The following CDH18 variants were observed in gnomAD, a reference collection of about 807,000 sequenced individuals.
CDH18 encodes cadherin-18.
CDH18 carries 31 observed loss-of-function variants against 67.9 expected under a neutral mutation model. That is an observed-to-expected ratio of 0.46 (90% CI 0.34 to 0.62). The LOEUF (loss-of-function observed/expected upper bound fraction) is 0.62, where lower values mean the gene tolerates loss of function less well. CDH18 is among the 20% of genes least tolerant of loss of function. The probability of loss-of-function intolerance (pLI) is 0.01; values close to 1 mark genes in which losing one functional copy is unlikely to be tolerated. For missense variants in CDH18, 890 were observed against 975.5 expected (o/e 0.91, Z 1.17); for synonymous variants, 362 against 347.2 (o/e 1.04, Z -0.48).
At chr5:19,493,540 GT>G (rs1741817443) in intron 11 of CDH18, among the ~76,000 whole-genome samples, 2 of 71,528 alleles carry the variant, frequency 2.8e-5, no homozygotes, top group African/African-American at 1.1e-4. Context: ...GAATTGGGGT[GT>G]GTGTGTGTGT....
intron 2 of CDH18, among the ~76,000 whole-genome samples, chr5:19,880,934 TA>T (rs1004094919): frequency 3.3e-5 from 5 of 152,214 alleles, no homozygotes; most frequent in Admixed American, 2.0e-4. Flanking sequence ...CTGTTGGCTG[TA>T]ATTGTTGACA....
intron 2 of CDH18, among the ~76,000 whole-genome samples, chr5:20,081,246 T>C (rs1361479532): frequency 1.3e-5 from 2 of 152,172 alleles, no homozygotes; most frequent in Non-Finnish European, 2.9e-5. Context: ...AGTTTTATAT[T>C]TGGAAATGTT....
chr5:19,768,802 T>C (rs1312368786), intron 3 of CDH18, among the ~76,000 whole-genome samples: 1 of 152,056 alleles, frequency 6.6e-6, no homozygotes, highest in Admixed American at 6.6e-5. Flanking sequence ...ATTTGCCACA[T>C]TATAATATTT....
At position 20,131,082 on chromosome 5, in the gene CDH18, T is replaced by C. The variant is rs1410035862; in HGVS notation, c.-518+124362A>G. ...CATTTAAAAAATTTTTTACCTTATATAAATTATTTGCAGAATTTGATCCCA... is the reference window on the plus strand; with the variant it reads ...CATTTAAAAAATTTTTTACCTTATACAAATTATTTGCAGAATTTGATCCCA... On this transcript the variant is annotated intron_variant, in intron 2 of 14. Transcript: ENST00000507958. Among the ~76,000 whole-genome samples the C allele has an allele frequency of 2.0e-5, 3 of 152,134 alleles. 1 individual carries two copies. Among genetic ancestry groups the C allele is most frequent in the Non-Finnish European group, 4.4e-5 (3 of 67,992 alleles).
chr5:19,771,392 T>C (rs945513876), intron 3 of CDH18, among the ~76,000 whole-genome samples: 3 of 152,208 alleles, frequency 2.0e-5, no homozygotes, highest in Non-Finnish European at 4.4e-5. Flanking sequence ...CTGCCATGCA[T>C]GAGAAGCCCT....
chr5:19,647,527 CAAAAAAAAAAAAA>C (rs3062888), intron 5 of CDH18, among the ~76,000 whole-genome samples: 8 of 28,808 alleles, frequency 2.8e-4, no homozygotes, highest in Admixed American at 2.1e-3. Context: ...GAGACTCCAT[CAAAAAAAAAAAAA>C]AAAAAAAAAA....
intron 1 of CDH18, among the ~76,000 whole-genome samples, chr5:20,303,376 A>C (rs1022660202): frequency 6.6e-6 from 1 of 152,148 alleles, no homozygotes; most frequent in African/African-American, 2.4e-5. Context: ...ATGAATAGAC[A>C]CTACAAAGCC....
At chr5:19,809,507 A>G (rs888573352) in intron 3 of CDH18, among the ~76,000 whole-genome samples, 4 of 139,476 alleles carry the variant, frequency 2.9e-5, no homozygotes, top group Non-Finnish European at 6.3e-5. Flanking sequence ...GTGCACATGT[A>G]CCCTAAAACT....
chr5:19,992,184 T>C (rs141065713), upstream of CDH18, among the ~76,000 whole-genome samples: 299 of 152,274 alleles, frequency 2.0e-3, no homozygotes, highest in Non-Finnish European at 2.9e-3. Flanking sequence ...GTGTTCACTT[T>C]TTAGATTTTT....
intron 2 of CDH18, among the ~76,000 whole-genome samples, chr5:19,947,585 C>CAAAAAAAA (rs35601486): frequency 1.1e-3 from 56 of 53,322 alleles, no homozygotes; most frequent in East Asian, 2.1e-3. Context: ...TACTAAAATA[C>CAAAAAAAA]AAAAAAAAAA....
At chr5:20,386,893 C>T (rs1162362215) in intron 1 of CDH18, among the ~76,000 whole-genome samples, 1 of 151,932 alleles carries the variant, frequency 6.6e-6, no homozygotes, top group African/African-American at 2.4e-5. Flanking sequence ...TCTCTCTCTC[C>T]TCTATGTGTG....
At chr5:19,686,167 G>T (rs1256827178) in intron 5 of CDH18, among the ~76,000 whole-genome samples, 1 of 152,022 alleles carries the variant, frequency 6.6e-6, no homozygotes, top group African/African-American at 2.4e-5. Context: ...TTAAAAACCA[G>T]CACGCAATAA....
At chr5:19,995,172 T>C (rs898514710) in intron 2 of CDH18, among the ~76,000 whole-genome samples, 1 of 151,930 alleles carries the variant, frequency 6.6e-6, no homozygotes, top group Non-Finnish European at 1.5e-5. Context: ...CTTCCAGAAA[T>C]ACCCTTGGAC....
intron 2 of CDH18, among the ~76,000 whole-genome samples, chr5:19,972,729 C>T (rs576684656): frequency 3.3e-5 from 5 of 151,964 alleles, no homozygotes; most frequent in Non-Finnish European, 4.4e-5. Context: ...TCTATTAAAG[C>T]TGAATATATA....
intron 2 of CDH18, among the ~76,000 whole-genome samples, chr5:20,066,139 G>T (rs914524857): frequency 2.0e-5 from 3 of 151,950 alleles, no homozygotes; most frequent in Non-Finnish European, 2.9e-5. Context: ...CTTCAGAAAA[G>T]CCAAGCTGGA....
At chr5:19,548,296 T>C (rs1486323944) in intron 8 of CDH18, among the ~76,000 whole-genome samples, 1 of 101,824 alleles carries the variant, frequency 9.8e-6, no homozygotes, top group African/African-American at 3.1e-5. Context: ...GGAATTGGGA[T>C]TTTAAATTAA....
intron 1 of CDH18, among the ~76,000 whole-genome samples, chr5:20,295,964 C>T (rs542584573): frequency 9.5e-5 from 14 of 147,220 alleles, no homozygotes; most frequent in South Asian, 4.3e-4. Flanking sequence ...CTCTGTCTCC[C>T]GGGTTCAAAC....
At chr5:20,072,231 T>C (rs1005982091) in intron 2 of CDH18, among the ~76,000 whole-genome samples, 1 of 152,144 alleles carries the variant, frequency 6.6e-6, no homozygotes, top group Non-Finnish European at 1.5e-5. Context: ...TCAGGAACCA[T>C]CTGCAGGAAA....
At chr5:19,638,905 C>G (rs936281297) in intron 5 of CDH18, among the ~76,000 whole-genome samples, 10 of 137,584 alleles carry the variant, frequency 7.3e-5, no homozygotes, top group African/African-American at 2.7e-4. Context: ...TTTCTTCAGA[C>G]TTTTTGGGCA....
Sources: allele counts gnomAD v4.1 joint callset (sites outside exome capture counted in the v4.1 genomes callset), GRCh38; gene constraint gnomAD v4.1.1; transcripts MANE v1.5; gene names NCBI Gene and HGNC (gene_info 2026-07-23, HGNC 2026-07-21).